The following FOXK1 variants were observed in gnomAD, a reference collection of about 807,000 sequenced individuals.
FOXK1 encodes forkhead box K1.
Under a neutral mutation model 51.9 loss-of-function variants are expected in FOXK1, and 19 were observed. The ratio of observed to expected loss-of-function variants is 0.37; its 90% CI spans 0.26 to 0.54. The LOEUF (loss-of-function observed/expected upper bound fraction) is 0.54, where lower values mean the gene tolerates loss of function less well. FOXK1 is among the 20% of genes least tolerant of loss of function. FOXK1 has a pLI of 0.87. For synonymous variants in FOXK1, 537 were observed against 482.6 expected, an observed-to-expected ratio of 1.11 and a Z score of -1.48; for missense variants, 870 against 1,032.7, an observed-to-expected ratio of 0.84 and a Z score of 2.16.
chr7:4,687,273 C>A (rs973270161), intron 1 of FOXK1, among the ~76,000 whole-genome samples: 2 of 150,718 alleles, frequency 1.3e-5, no homozygotes, highest in Admixed American at 1.3e-4. Context: ...CAACTGAATT[C>A]TTGGTTTGTT....
At position 4,707,439 on chromosome 7, in the gene FOXK1, G is replaced by A. The variant is rs370269053; in HGVS notation, c.560+24571G>A. 1.5e-3 allele frequency among the ~76,000 whole-genome samples: 230 copies of A among 152,322 alleles called. No individual in the cohort carries two copies. The highest frequency in any genetic ancestry group is 2.6e-3 in the African/African-American group (107 of 41,574). On this transcript the variant is annotated intron_variant, in intron 1 of 8. Transcript: ENST00000328914. The surrounding 1 kb of genome is among the most constrained non-coding windows in gnomAD (Gnocchi z 4.1). ...AGGCCTCTCCCTGGGCGGGCTTTCCGTGTTATTAATCTACTTTATGACCCA... is the reference window on the plus strand; with the variant it reads ...AGGCCTCTCCCTGGGCGGGCTTTCCATGTTATTAATCTACTTTATGACCCA...
At chr7:4,725,828 G>A (rs1780374489) in intron 1 of FOXK1, among the ~76,000 whole-genome samples, 7 of 152,220 alleles carry the variant, frequency 4.6e-5, no homozygotes, top group Admixed American at 4.6e-4. Flanking sequence ...CACTCAGAGG[G>A]GTAGGGAGCC....
rs763760635 is a variant in FOXK1, at chr7:4,767,454, C to T, written c.*4990C>T. The T allele has an allele frequency of 6.6e-6, 1 of 152,216 alleles. No individual in the cohort carries two copies. The highest frequency in any genetic ancestry group is 1.5e-5 in the Non-Finnish European group (1 of 68,048). The allele number at this position is 152,216 out of a possible 1,614,324, so 9.4% of individuals were successfully genotyped here. ...AACGTGTTTACCCACAGCCTCGCCT[C>T]GAGCCTCCTTGACAATACCGCTGCT... On this transcript the variant is annotated 3_prime_UTR_variant, in exon 9 of 9. Coordinates refer to ENST00000328914, the MANE Select transcript of FOXK1 (RefSeq NM_001037165.2). This position sits in a 1 kb window ranked among gnomAD's most constrained non-coding sequence, Gnocchi z 6.6.
At chr7:4,713,500 G>GTT (rs1226170113) in intron 1 of FOXK1, among the ~76,000 whole-genome samples, 1 of 141,734 alleles carries the variant, frequency 7.1e-6, no homozygotes, top group African/African-American at 2.6e-5. Flanking sequence ...TTTTTTTTTT[G>GTT]TTTTTTTTTT....
rs543889881 is a variant in FOXK1 at position 4,709,283 on chromosome 7, G to A, written c.560+26415G>A. ...CCCACTGCATGTTTTGGATCTGTCC[G>A]GGATCCCTCCTTGTTAGGCCAGGTC... On this transcript the variant is annotated intron_variant, in intron 1 of 8. Coordinates refer to ENST00000328914, the MANE Select transcript of FOXK1 (RefSeq NM_001037165.2). The surrounding 1 kb of genome is among the most constrained non-coding windows in gnomAD (Gnocchi z 5.6). 5.9e-5 allele frequency among the ~76,000 whole-genome samples: 9 copies of A among 152,010 alleles called. No individual in the cohort carries two copies. The highest frequency in any genetic ancestry group is 2.1e-4 in the South Asian group (1 of 4,826).
Position 4,767,086 on chromosome 7 carries a change from A to C in FOXK1, c.*4622A>C, listed in dbSNP as rs917228893. 3.3e-5 allele frequency: 5 copies of C among 152,204 alleles called. No individual in the cohort carries two copies. The highest frequency in any genetic ancestry group is 3.3e-4 in the Admixed American group (5 of 15,274). 9.4% of individuals were successfully genotyped at this position (152,204 alleles called of 1,614,324 possible). A position where few individuals can be genotyped will look rare whatever the true frequency, so the allele number is the denominator to read the frequency against. ...GGAGTGCAGGTCTGTTTTGCTTCAG[A>C]AGCCTCACATTCTGCTTTGCCCTTG... On this transcript the variant is annotated 3_prime_UTR_variant, in exon 9 of 9. Transcript: ENST00000328914. This position sits in a 1 kb window ranked among gnomAD's most constrained non-coding sequence, Gnocchi z 6.6.
rs769786458 is a variant in FOXK1, at chr7:4,764,819, A to C, written c.*2355A>C. 5.3e-5 allele frequency: 8 copies of C among 152,324 alleles called. No homozygotes were observed. The highest frequency in any genetic ancestry group is 1.2e-4 in the Non-Finnish European group (8 of 68,118). The allele number at this position is 152,324 out of a possible 1,614,324, so 9.4% of individuals were successfully genotyped here. On this transcript the variant is annotated 3_prime_UTR_variant, in exon 9 of 9. Transcript: ENST00000328914. ...GAGCGCCGCGTGCTGGGATTGCACC[A>C]CGTGTTGGTCACAAATCGAGGTCGC...
At position 4,761,264 on chromosome 7, in the gene FOXK1, A is replaced by T. The variant is rs145875348; in HGVS notation, c.1897A>T (p.Asn633Tyr). 6.2e-7 allele frequency: 1 copy of T among 1,612,756 alleles called. No individual in the cohort carries two copies. The highest frequency in any genetic ancestry group is 8.5e-7 in the Non-Finnish European group (1 of 1,180,028). Residue 633 changes from asparagine (N) to tyrosine (Y), a missense_variant, in exon 8 of 9, where the codon AAC (asparagine) becomes TAC (tyrosine). Around this residue, in one of 3 missense-constraint regions of FOXK1, gnomAD observed 457 missense variants for 510.8 expected, o/e 0.89. Coordinates refer to ENST00000328914, the MANE Select transcript of FOXK1 (RefSeq NM_001037165.2). The surrounding 1 kb of genome is among the most constrained non-coding windows in gnomAD (Gnocchi z 6.2). Reference sequence around the variant, plus strand: ...GAACGGAAAGCATGCGGTTCCCACGAACAGTTTAGCCGGCAACGCTTACGG... The same window carrying T: ...GAACGGAAAGCATGCGGTTCCCACGTACAGTTTAGCCGGCAACGCTTACGG... Reference protein sequence around the residue: ...TQNGKHAVPTNSLAGNAYALT... With the variant: ...TQNGKHAVPTYSLAGNAYALT...
chr7:4,684,078 C>T (rs530037315), intron 1 of FOXK1, among the ~76,000 whole-genome samples: 55 of 152,208 alleles, frequency 3.6e-4, no homozygotes, highest in Non-Finnish European at 7.1e-4. Context: ...CCGCCCATTC[C>T]GGTTCCCTCC....
chr7:4,752,389 C>T (rs968844104), intron 2 of FOXK1, among the ~76,000 whole-genome samples: 3 of 152,250 alleles, frequency 2.0e-5, no homozygotes, highest in African/African-American at 7.2e-5. Flanking sequence ...AAGCGATCCT[C>T]CTGCCTGGGC....
At chr7:4,725,556 T>C (rs1031937343) in intron 1 of FOXK1, among the ~76,000 whole-genome samples, 2 of 152,226 alleles carry the variant, frequency 1.3e-5, no homozygotes, top group Non-Finnish European at 2.9e-5. Context: ...ACTGCCTTTG[T>C]GCGGCCGGGC....
chr7:4,730,655 G>A lies in FOXK1; in HGVS notation c.561-10183G>A, dbSNP rs1780439017. Among the ~76,000 whole-genome samples the A allele has an allele frequency of 1.3e-5, 2 of 152,254 alleles. No homozygotes were observed. Among genetic ancestry groups the A allele is most frequent in the Admixed American group, 6.5e-5 (1 of 15,282 alleles). On this transcript the variant is annotated intron_variant, in intron 1 of 8. Coordinates refer to ENST00000328914, the MANE Select transcript of FOXK1 (RefSeq NM_001037165.2). This position sits in a 1 kb window ranked among gnomAD's most constrained non-coding sequence, Gnocchi z 4.7. ...CTTGCTGCGGGTTCGTCTGTAACCT[G>A]TGTCCCTTCACTGCCATGCACTGCT...
chr7:4,682,895 C>T lies in FOXK1; in HGVS notation c.560+27C>T, dbSNP rs772935155. The T allele has an allele frequency of 3.2e-5, 46 of 1,435,914 alleles. No homozygotes were observed. In the African/African-American group the frequency reaches 3.8e-4, roughly 12 times the overall value. 88.9% of individuals were successfully genotyped at this position (1,435,914 alleles called of 1,614,324 possible). ...TGAGTGGCCCCGCGACCCCCGCCGC[C>T]CGCACCCGGGGCTCGCCCACGACCT... is the stretch of plus-strand genomic sequence containing the variant. On this transcript the variant is annotated intron_variant, in intron 1 of 8. Coordinates refer to ENST00000328914, the MANE Select transcript of FOXK1 (RefSeq NM_001037165.2). This position sits in a 1 kb window ranked among gnomAD's most constrained non-coding sequence, Gnocchi z 7.6.
chr7:4,698,272 T>C (rs1779977951), intron 1 of FOXK1, among the ~76,000 whole-genome samples: 1 of 151,940 alleles, frequency 6.6e-6, no homozygotes, highest in African/African-American at 2.4e-5. Flanking sequence ...TCTATATATG[T>C]ATGTTATCTG....
intron 1 of FOXK1, among the ~76,000 whole-genome samples, chr7:4,732,031 C>T (rs1019555660): frequency 6.6e-6 from 1 of 152,130 alleles, no homozygotes; most frequent in Non-Finnish European, 1.5e-5. Context: ...GCCCAGGCTC[C>T]AGCCAGGCAG....
intron 1 of FOXK1, among the ~76,000 whole-genome samples, chr7:4,727,292 T>C (rs114970359): frequency 0.031 from 4,649 of 152,154 alleles, 216 homozygotes; most frequent in African/African-American, 0.095. Context: ...TTGCAGGTTA[T>C]TCTTTTACTT....
At chr7:4,719,771 C>G (rs890259381) in intron 1 of FOXK1, among the ~76,000 whole-genome samples, 1 of 152,158 alleles carries the variant, frequency 6.6e-6, no homozygotes, top group Non-Finnish European at 1.5e-5. Context: ...TTTGAGCCAC[C>G]GCGCCCGGCC....
intron 1 of FOXK1, among the ~76,000 whole-genome samples, chr7:4,699,260 C>A (rs1239066671): frequency 1.3e-5 from 2 of 150,080 alleles, no homozygotes; most frequent in Non-Finnish European, 3.0e-5. Context: ...CCGTGGGACT[C>A]GTGGGGTCCT....
chr7:4,739,920 G>T lies in FOXK1; in HGVS notation c.561-918G>T, dbSNP rs190569922. 5.3e-5 allele frequency among the ~76,000 whole-genome samples: 8 copies of T among 152,372 alleles called. No individual in the cohort carries two copies. The East Asian group carries it at 1.5e-3, about 29-fold the overall frequency. On this transcript the variant is annotated intron_variant, in intron 1 of 8. Coordinates refer to ENST00000328914, the MANE Select transcript of FOXK1 (RefSeq NM_001037165.2). ...TGGCAGACAGGAAGTAGCCGTGTCTGTCTGGAGCCTGCGTGGGAGATGGCA... is the reference window on the plus strand; with the variant it reads ...TGGCAGACAGGAAGTAGCCGTGTCTTTCTGGAGCCTGCGTGGGAGATGGCA...
Sources: gnomAD v4.1 joint callset for allele counts (sites outside exome capture counted in the v4.1 genomes callset) on GRCh38, gnomAD v4.1.1 for gene constraint, gnomAD v4.1.1 regional missense constraint, Gnocchi (gnomAD v3.1) non-coding constraint, MANE v1.5 for transcripts, NCBI Gene and HGNC (gene_info 2026-07-23, HGNC 2026-07-21) for gene names.